KDM4C: variants seen among roughly 807,000 people sequenced by gnomAD.
The protein encoded by KDM4C is lysine demethylase 4C, also known as lysine-specific demethylase 4C.
Under a neutral mutation model 129.3 loss-of-function variants are expected in KDM4C, and 81 were observed. The ratio of observed to expected loss-of-function variants is 0.63; its 90% CI spans 0.52 to 0.75. The LOEUF is 0.75. Ranked by LOEUF, KDM4C falls within the 30% of genes least tolerant of loss-of-function variation. The pLI is 0.00. For synonymous variants in KDM4C, 573 were observed against 456.1 expected, an observed-to-expected ratio of 1.26 and a Z score of -3.26; for missense variants, 1,457 against 1,304.0, an observed-to-expected ratio of 1.12 and a Z score of -1.81.
At chr9:6,881,712 A>G (rs951199942) in intron 6 of KDM4C, among the ~76,000 whole-genome samples, 1 of 152,360 alleles carries the variant, frequency 6.6e-6, no homozygotes. Flanking sequence ...TGAAGGATGA[A>G]CAAGAACTTG....
chr9:6,901,253 C>T (rs995966313), intron 8 of KDM4C, among the ~76,000 whole-genome samples: 15 of 152,118 alleles, frequency 9.9e-5, no homozygotes, highest in African/African-American at 3.4e-4. Context: ...CCAGAGTTTG[C>T]CATAGTCAGA....
chr9:7,102,337 G>C (rs567161553), intron 17 of KDM4C, among the ~76,000 whole-genome samples: 25 of 106,782 alleles, frequency 2.3e-4, no homozygotes, highest in African/African-American at 8.6e-4. Context: ...TTTTTTTGGA[G>C]TGACTTGGAG....
At chr9:7,116,648 G>A (rs542451609) in intron 18 of KDM4C, among the ~76,000 whole-genome samples, 1 of 152,302 alleles carries the variant, frequency 6.6e-6, no homozygotes, top group South Asian at 2.1e-4. Flanking sequence ...AACAGTTTGT[G>A]GATTTATCCC....
At chr9:6,721,123 G>C in intron 1 of KDM4C, 4 of 811,062 alleles carry the variant, frequency 4.9e-6, no homozygotes, top group Non-Finnish European at 7.8e-6. Context: ...GCCCAGGCTA[G>C]AGGGCAGTGG....
intron 5 of KDM4C, among the ~76,000 whole-genome samples, chr9:6,875,639 C>T (rs1407835303): frequency 6.6e-6 from 1 of 152,172 alleles, no homozygotes; most frequent in Admixed American, 6.5e-5. Context: ...CTTCCCTTCT[C>T]TTTTATCCTC....
chr9:7,170,235 G>A (rs753898047), intron 21 of KDM4C: 163 of 1,177,550 alleles, frequency 1.4e-4, no homozygotes, highest in Non-Finnish European at 1.7e-4. Context: ...GTTAGTAGAA[G>A]CAACATTAAA....
chr9:6,816,923 C>A (rs551179590), intron 4 of KDM4C, among the ~76,000 whole-genome samples: 1 of 151,196 alleles, frequency 6.6e-6, no homozygotes, highest in African/African-American at 2.4e-5. Flanking sequence ...TTTATATATC[C>A]TGCGTATGAG....
intron 17 of KDM4C, among the ~76,000 whole-genome samples, chr9:7,070,101 G>C (rs1832992093): frequency 6.6e-6 from 1 of 152,156 alleles, no homozygotes; most frequent in Non-Finnish European, 1.5e-5. Flanking sequence ...ACAAGTAGTT[G>C]TTACAGTTTG....
intron 4 of KDM4C, among the ~76,000 whole-genome samples, chr9:6,823,589 C>G (rs1306260275): frequency 6.6e-6 from 1 of 152,226 alleles, no homozygotes; most frequent in African/African-American, 2.4e-5. Flanking sequence ...TTAGCTCCTT[C>G]ACTGAATCAC....
chr9:6,983,320 T>A (rs1220114690), intron 9 of KDM4C, among the ~76,000 whole-genome samples: 1 of 152,198 alleles, frequency 6.6e-6, no homozygotes, highest in Non-Finnish European at 1.5e-5. Context: ...TTGTTAGGAA[T>A]GTTTGTTTCA....
At chr9:6,990,328 GAT>G (rs1314553875) in intron 11 of KDM4C, 86 bp from the exon 12 acceptor site, 1 of 851,048 alleles carries the variant, frequency 1.2e-6, no homozygotes, top group Non-Finnish European at 1.9e-6. Flanking sequence ...AACATTAAGT[GAT>G]AAATAATTGT....
chr9:6,739,946 G>C (rs895069819), intron 1 of KDM4C, among the ~76,000 whole-genome samples: 4 of 152,140 alleles, frequency 2.6e-5, no homozygotes, highest in African/African-American at 9.7e-5. Context: ...CTGGAGTGCA[G>C]TGGTGTGATC....
chr9:7,036,539 A>G (rs16925158), intron 15 of KDM4C, among the ~76,000 whole-genome samples: 7,763 of 152,266 alleles, frequency 0.051, 220 homozygotes, highest in South Asian at 0.096. Context: ...CAAACAGAAC[A>G]TGATTTTCTG....
At chr9:7,107,490 TGGC>T (rs1314721869) in intron 18 of KDM4C, among the ~76,000 whole-genome samples, 1 of 152,250 alleles carries the variant, frequency 6.6e-6, no homozygotes, top group East Asian at 1.9e-4. Flanking sequence ...TGTTTTTTCC[TGGC>T]AAGTTACTTA....
At chr9:6,854,503 C>T (rs1476795029) in intron 5 of KDM4C, among the ~76,000 whole-genome samples, 15 of 97,504 alleles carry the variant, frequency 1.5e-4, no homozygotes, top group South Asian at 3.6e-4. Context: ...CCAGCCTGGG[C>T]AACAAGAGCG....
intron 1 of KDM4C, among the ~76,000 whole-genome samples, chr9:6,763,906 C>T (rs571857768): frequency 3.9e-5 from 6 of 152,210 alleles, no homozygotes; most frequent in African/African-American, 9.6e-5. Context: ...TACAGGCCTG[C>T]GCTACCACGC....
chr9:6,781,607 C>T (rs942751940), intron 1 of KDM4C, among the ~76,000 whole-genome samples: 1 of 152,016 alleles, frequency 6.6e-6, no homozygotes, highest in African/African-American at 2.4e-5. Flanking sequence ...AGCTAAATCA[C>T]CAACAGACAG....
Position 6,730,476 on chromosome 9 carries a change from G to C in KDM4C, c.49+9479G>C, listed in dbSNP as rs191432356. ...TAAAAATACAAAAAATTAGCTGGGC[G>C]TGGTGGCGGGCACCCCTAGTTCCAG... On this transcript the variant is annotated intron_variant, in intron 1 of 17. Coordinates refer to the KDM4C transcript ENST00000536108. Among the ~76,000 whole-genome samples, 1,370 of 152,082 alleles carry C rather than the reference G, an allele frequency of 9.0e-3. 8 individuals are homozygous for C. The highest frequency in any genetic ancestry group is 0.015 in the Non-Finnish European group (1,038 of 67,992).
At position 6,746,267 on chromosome 9, in the gene KDM4C, T is replaced by G. The variant is rs1321438087; in HGVS notation, c.49+25270T>G. Among the ~76,000 whole-genome samples the G allele has an allele frequency of 1.1e-4, 14 of 132,740 alleles. No homozygotes were observed. The East Asian group carries it at 1.1e-3, about 10-fold the overall frequency. The allele number at this position is 132,740 out of a possible 152,430, so 87.1% of individuals were successfully genotyped here. On this transcript the variant is annotated intron_variant, in intron 1 of 17. Transcript: ENST00000536108. ...GCCATTATATATATATATATGTTTT[T>G]TTTTTTTTTTTTTTTTTTGGAGACC...
Sources: gnomAD v4.1 joint callset for allele counts (sites outside exome capture counted in the v4.1 genomes callset) on GRCh38, gnomAD v4.1.1 for gene constraint, MANE v1.5 for transcripts, NCBI Gene and HGNC (gene_info 2026-07-23, HGNC 2026-07-21) for gene names.